The following SLC4A10 variants were observed in gnomAD, a reference collection of about 807,000 sequenced individuals.
SLC4A10 encodes the protein solute carrier family 4 member 10.
SLC4A10 carries 42 observed loss-of-function variants against 137.7 expected under a neutral mutation model. The ratio of observed to expected loss-of-function variants is 0.30; its 90% CI spans 0.24 to 0.39. The LOEUF (loss-of-function observed/expected upper bound fraction) is 0.39, where lower values mean the gene tolerates loss of function less well. Among genes scored for constraint, SLC4A10 ranks in the 10% least tolerant of loss-of-function variants. The pLI is 1.00. For synonymous variants in SLC4A10, 474 were observed against 464.1 expected, an observed-to-expected ratio of 1.02 and a Z score of -0.27; for missense variants, 925 against 1,355.0, an observed-to-expected ratio of 0.68 and a Z score of 4.98.
At position 161,953,859 on chromosome 2, in the gene SLC4A10, A is replaced by ATTTG. The variant is rs756549208; in HGVS notation, c.2541+3023_2541+3026dup. Among the ~76,000 whole-genome samples, 89 of 152,176 alleles carry ATTTG rather than the reference A, an allele frequency of 5.8e-4. 1 individual carries two copies. Among genetic ancestry groups the ATTTG allele is most frequent in the Non-Finnish European group, 9.4e-4 (64 of 68,024 alleles). On this transcript the variant is annotated intron_variant, in intron 19 of 26. Coordinates refer to ENST00000446997, the MANE Select transcript of SLC4A10 (RefSeq NM_001178015.2). ...CATATAAATCCATACTCTCTCTAGC[A>ATTTG]TTTGTTTGTTTGTTTCTCCCTTAGA...
chr2:161,716,513 G>A (rs1013819336), intron 1 of SLC4A10, among the ~76,000 whole-genome samples: 4 of 151,936 alleles, frequency 2.6e-5, no homozygotes, highest in Admixed American at 2.0e-4. Flanking sequence ...TGTAAAAGAT[G>A]TAAGGAAAAG....
At chr2:161,829,600 T>A (rs1233524510) in intron 3 of SLC4A10, among the ~76,000 whole-genome samples, 2 of 152,224 alleles carry the variant, frequency 1.3e-5, no homozygotes, top group African/African-American at 2.4e-5. Flanking sequence ...TTTTTTATAC[T>A]ATTTGCAGTA....
chr2:161,665,742 A>T (rs2038964123), intron 1 of SLC4A10, among the ~76,000 whole-genome samples: 1 of 151,346 alleles, frequency 6.6e-6, no homozygotes, highest in Non-Finnish European at 1.5e-5. Flanking sequence ...TTCACATATA[A>T]CACTGAGCCA....
intron 1 of SLC4A10, among the ~76,000 whole-genome samples, chr2:161,628,771 T>G (rs990436531): frequency 6.6e-6 from 1 of 151,998 alleles, no homozygotes; most frequent in African/African-American, 2.4e-5. Context: ...AAATAAAATA[T>G]ATGTATAAAA....
Position 161,984,406 on chromosome 2 carries a change from A to T in SLC4A10, c.*1254A>T, listed in dbSNP as rs568342408. 1 of 152,300 alleles carries T rather than the reference A, an allele frequency of 6.6e-6. No homozygotes were observed. The highest frequency in any genetic ancestry group is 2.1e-4 in the South Asian group (1 of 4,830). The allele number at this position is 152,300 out of a possible 1,614,324, so 9.4% of individuals were successfully genotyped here. ...TTTGATTTCACTTTCAATGAATGTGAAGTTAATAAAACTAAATCTCATAAT... is the reference window on the plus strand; with the variant it reads ...TTTGATTTCACTTTCAATGAATGTGTAGTTAATAAAACTAAATCTCATAAT... On this transcript the variant is annotated 3_prime_UTR_variant, in exon 27 of 27. Transcript: ENST00000446997.
chr2:161,926,391 T>TG (rs1559548813), intron 15 of SLC4A10, among the ~76,000 whole-genome samples: 1 of 104,132 alleles, frequency 9.6e-6, no homozygotes, highest in African/African-American at 3.3e-5. Flanking sequence ...TTTTGGTTTT[T>TG]TTTTTTTTTT....
chr2:161,858,625 C>T (rs2053865), intron 5 of SLC4A10, among the ~76,000 whole-genome samples: 79,392 of 151,928 alleles, frequency 0.52, 21,476 homozygotes, highest in East Asian at 0.84. Context: ...GAATTATATT[C>T]ATATAAATTA....
intron 10 of SLC4A10, among the ~76,000 whole-genome samples, chr2:161,883,411 C>G (rs1437702840): frequency 6.6e-6 from 1 of 151,990 alleles, no homozygotes; most frequent in Non-Finnish European, 1.5e-5. Context: ...TTCAATCTGT[C>G]CAAATTATGT....
intron 3 of SLC4A10, among the ~76,000 whole-genome samples, chr2:161,815,613 T>G (rs1016684176): frequency 1.3e-5 from 2 of 152,148 alleles, no homozygotes; most frequent in Non-Finnish European, 2.9e-5. Flanking sequence ...TATCAAACCT[T>G]CTGGCACATT....
intron 1 of SLC4A10, among the ~76,000 whole-genome samples, chr2:161,706,126 A>C (rs563755865): frequency 4.0e-5 from 6 of 151,668 alleles, no homozygotes; most frequent in African/African-American, 1.2e-4. Flanking sequence ...TATCAACTAG[A>C]TAATAGAGAG....
intron 1 of SLC4A10, among the ~76,000 whole-genome samples, chr2:161,640,258 T>G (rs1012405779): frequency 6.6e-6 from 1 of 152,132 alleles, no homozygotes. Context: ...AGGGCTCCCA[T>G]GTTCTTTTAA....
chr2:161,967,634 T>C (rs1442875399), intron 23 of SLC4A10, among the ~76,000 whole-genome samples: 1 of 152,196 alleles, frequency 6.6e-6, no homozygotes, highest in Non-Finnish European at 1.5e-5. Context: ...AGAAATTTGG[T>C]AATTCAATAT....
At chr2:161,887,596 T>C (rs1051632242) in intron 10 of SLC4A10, among the ~76,000 whole-genome samples, 47 of 152,348 alleles carry the variant, frequency 3.1e-4, no homozygotes, top group African/African-American at 1.0e-3. Flanking sequence ...CTTGGCCACA[T>C]AAATGTCTTC....
At chr2:161,979,862 C>CT (rs1455521367) in intron 26 of SLC4A10, among the ~76,000 whole-genome samples, 2 of 152,068 alleles carry the variant, frequency 1.3e-5, no homozygotes, top group Admixed American at 1.3e-4. Context: ...CCTAGAAACC[C>CT]TTTTTTCATG....
intron 17 of SLC4A10, among the ~76,000 whole-genome samples, chr2:161,948,502 G>A (rs1269380202): frequency 1.3e-5 from 2 of 152,062 alleles, no homozygotes; most frequent in African/African-American, 2.4e-5. Context: ...AGCATTTTGT[G>A]TATGCTTGTG....
intron 1 of SLC4A10, among the ~76,000 whole-genome samples, chr2:161,664,464 A>C (rs2038811732): frequency 6.6e-6 from 1 of 151,958 alleles, no homozygotes; most frequent in Non-Finnish European, 1.5e-5. Flanking sequence ...TGACACATGC[A>C]GGAGCTATTA....
intron 1 of SLC4A10, among the ~76,000 whole-genome samples, chr2:161,673,271 A>C (rs781382630): frequency 2.0e-5 from 3 of 152,170 alleles, no homozygotes; most frequent in African/African-American, 7.2e-5. Context: ...TAAGTCACAC[A>C]ATGCATTCAC....
At chr2:161,956,130 G>A (rs1054786621) in intron 19 of SLC4A10, among the ~76,000 whole-genome samples, 1 of 152,088 alleles carries the variant, frequency 6.6e-6, no homozygotes. Flanking sequence ...GAATATAATA[G>A]TACCTAACAT....
chr2:161,837,614 C>T (rs1053146330), intron 3 of SLC4A10, among the ~76,000 whole-genome samples: 5 of 151,972 alleles, frequency 3.3e-5, no homozygotes, highest in African/African-American at 1.2e-4. Flanking sequence ...TATCAAAAGG[C>T]AAAAAGATTA....
Sources: allele counts gnomAD v4.1 joint callset (sites outside exome capture counted in the v4.1 genomes callset), GRCh38; gene constraint gnomAD v4.1.1; transcripts MANE v1.5; gene names NCBI Gene and HGNC (gene_info 2026-07-23, HGNC 2026-07-21).